Variants in FTCDNL1 observed in about 807,000 individuals in gnomAD.
The protein encoded by FTCDNL1 is formiminotransferase cyclodeaminase N-terminal like.
FTCDNL1 carries 11 observed loss-of-function variants against 5.9 expected under a neutral mutation model. That is an observed-to-expected ratio of 1.87 (90% CI 1.18 to 3.10). The LOEUF is 3.10. Among genes scored for constraint, FTCDNL1 ranks in the 30% most tolerant of loss-of-function variants. FTCDNL1 has a pLI of 0.00. For synonymous variants in FTCDNL1, 58 were observed against 24.8 expected (o/e 2.34, Z -3.99); for missense variants, 115 against 65.5 (o/e 1.76, Z -2.61).
At chr2:199,798,592 T>G (rs966965263) in intron 3 of FTCDNL1, among the ~76,000 whole-genome samples, 3 of 152,194 alleles carry the variant, frequency 2.0e-5, no homozygotes, top group African/African-American at 7.2e-5. Flanking sequence ...AGCATGACCC[T>G]TCTTCTCATC....
At chr2:199,673,793 C>T in the FTCDNL1 span, among the ~76,000 whole-genome samples, 6 of 151,906 alleles carry the variant, frequency 3.9e-5, no homozygotes, top group East Asian at 1.2e-3. Context: ...TTTAAATGTG[C>T]CATAAACCAT....
rs1370626983 is a variant in FTCDNL1, at chr2:199,811,167, A to G, written c.*1538T>C. Among the ~76,000 whole-genome samples the G allele has an allele frequency of 6.6e-6, 1 of 152,206 alleles. No homozygotes were observed. Among genetic ancestry groups the G allele is most frequent in the Non-Finnish European group, 1.5e-5 (1 of 68,042 alleles). ...TAAAAATTAAATTTCCTAACAGTCA[A>G]TACATCTCTCTCTCATCATCTCATG... On this transcript the variant is annotated 3_prime_UTR_variant, in exon 5 of 5. Transcript: ENST00000420128.
chr2:199,693,473 G>A, the FTCDNL1 span, among the ~76,000 whole-genome samples: 4 of 152,136 alleles, frequency 2.6e-5, no homozygotes, highest in South Asian at 2.1e-4. Context: ...TGTGATAAGT[G>A]CATTGAGTGA....
In FTCDNL1 at chr2:199,847,109, G is replaced by T. The variant is rs980942973; in HGVS notation, c.116-939C>A. 7.9e-5 allele frequency among the ~76,000 whole-genome samples: 12 copies of T among 151,976 alleles called. No homozygotes were observed. The South Asian group carries it at 1.0e-3, about 13-fold the overall frequency. ...ATGTCACTCACTCATGGCCAAACGAGCATCTGTAGAGTCCTGCCCTGGTGT... is the reference window on the plus strand; with the variant it reads ...ATGTCACTCACTCATGGCCAAACGATCATCTGTAGAGTCCTGCCCTGGTGT... On this transcript the variant is annotated intron_variant, in intron 2 of 4. Transcript: ENST00000420128.
At chr2:199,762,069 G>C (rs1018854059) in intron 3 of FTCDNL1, among the ~76,000 whole-genome samples, 1 of 152,104 alleles carries the variant, frequency 6.6e-6, no homozygotes, top group Admixed American at 6.6e-5. Context: ...AAACAATCTT[G>C]TAATGTTTTA....
the FTCDNL1 span, among the ~76,000 whole-genome samples, chr2:199,708,596 G>C: frequency 1.2e-4 from 19 of 152,208 alleles, no homozygotes; most frequent in African/African-American, 4.6e-4. Flanking sequence ...CTCAGTCTTT[G>C]TTATGTAGGC....
At chr2:199,827,680 A>AT (rs1407594332) in intron 3 of FTCDNL1, among the ~76,000 whole-genome samples, 1 of 152,142 alleles carries the variant, frequency 6.6e-6, no homozygotes, top group African/African-American at 2.4e-5. Flanking sequence ...GGAAAAAAAA[A>AT]GAAAAAGAAA....
chr2:199,833,222 T>A (rs1445417252), intron 3 of FTCDNL1, among the ~76,000 whole-genome samples: 1 of 152,174 alleles, frequency 6.6e-6, no homozygotes, highest in Non-Finnish European at 1.5e-5. Flanking sequence ...TCCACCTGCC[T>A]CGACCTCCCA....
At chr2:199,695,017 C>T in the FTCDNL1 span, among the ~76,000 whole-genome samples, 1 of 152,224 alleles carries the variant, frequency 6.6e-6, no homozygotes, top group East Asian at 1.9e-4. Flanking sequence ...TTAGTGACTA[C>T]CCAGGAAATG....
chr2:199,724,276 TTC>T, the FTCDNL1 span, among the ~76,000 whole-genome samples: 1 of 152,156 alleles, frequency 6.6e-6, no homozygotes, highest in Admixed American at 6.5e-5. Context: ...CTTCTCTCTT[TTC>T]TTTTTTATTA....
At chr2:199,847,191 A>G (rs944386616) in intron 2 of FTCDNL1, among the ~76,000 whole-genome samples, 1 of 151,976 alleles carries the variant, frequency 6.6e-6, no homozygotes, top group Non-Finnish European at 1.5e-5. Context: ...GGCCATTTAA[A>G]TGTGCTCACA....
In FTCDNL1 at chr2:199,811,066, G is replaced by A. The variant is rs111673346; in HGVS notation, c.*1639C>T. The stretch of plus-strand genomic sequence containing the variant: ...TACATAATGAAACATTTCAACTCCC[G>A]AGGCTGGGCCTCTTCCTCCTGGGAA... On this transcript the variant is annotated 3_prime_UTR_variant, in exon 5 of 5. Transcript: ENST00000420128. 6.6e-6 allele frequency among the ~76,000 whole-genome samples: 1 copy of A among 152,082 alleles called. No homozygotes were observed. The highest frequency in any genetic ancestry group is 1.5e-5 in the Non-Finnish European group (1 of 68,020).
At chr2:199,717,468 G>T in the FTCDNL1 span, among the ~76,000 whole-genome samples, 1 of 147,154 alleles carries the variant, frequency 6.8e-6, no homozygotes, top group Non-Finnish European at 1.5e-5. Context: ...TCAGCAGCAG[G>T]AGACACTCCC....
intron 3 of FTCDNL1, among the ~76,000 whole-genome samples, chr2:199,774,073 T>C (rs1299016063): frequency 6.6e-6 from 1 of 152,234 alleles, no homozygotes; most frequent in East Asian, 1.9e-4. Flanking sequence ...CATCCATTCT[T>C]GAATGTACTC....
chr2:199,700,147 A>G, the FTCDNL1 span, among the ~76,000 whole-genome samples: 15 of 152,124 alleles, frequency 9.9e-5, no homozygotes, highest in African/African-American at 3.4e-4. Context: ...ATACCTAGAA[A>G]CCCCCATAGT....
intron 4 of FTCDNL1, among the ~76,000 whole-genome samples, chr2:199,817,109 CCCAAATAGCAAACATTT>C (rs1701396111): frequency 6.6e-6 from 1 of 152,120 alleles, no homozygotes; most frequent in African/African-American, 2.4e-5. Context: ...CATAAACATA[CCCAAATAGCAAACATTT>C]CCATTATTTT....
At chr2:199,836,624 A>G (rs1315203176) in intron 3 of FTCDNL1, among the ~76,000 whole-genome samples, 1 of 152,142 alleles carries the variant, frequency 6.6e-6, no homozygotes. Context: ...AAAATTAACC[A>G]GGCATGGTGG....
chr2:199,813,912 CAAAAAAAAA>C (rs397987315), intron 4 of FTCDNL1, among the ~76,000 whole-genome samples: 61 of 106,362 alleles, frequency 5.7e-4, no homozygotes, highest in South Asian at 3.0e-3. Context: ...GACTCTGTCT[CAAAAAAAAA>C]AAAAAAAAAA....
the FTCDNL1 span, among the ~76,000 whole-genome samples, chr2:199,683,601 T>G: frequency 1.3e-5 from 2 of 151,610 alleles, no homozygotes; most frequent in South Asian, 4.2e-4. Flanking sequence ...AATCTGATAT[T>G]CTTGAGCTTT....
Sources: allele counts gnomAD v4.1 joint callset (sites outside exome capture counted in the v4.1 genomes callset), GRCh38; gene constraint gnomAD v4.1.1; transcripts MANE v1.5; gene names NCBI Gene and HGNC (gene_info 2026-07-23, HGNC 2026-07-21).